The following LOC128092252 variants were observed in gnomAD, a reference collection of about 807,000 sequenced individuals.
the LOC128092252 span, among the ~76,000 whole-genome samples, chr15:50,666,528 G>A: frequency 1.3e-5 from 2 of 152,034 alleles, no homozygotes; most frequent in Non-Finnish European, 1.5e-5. Context: ...AAGAGGCCGG[G>A]TGCAGTGGCT....
chr15:50,658,090 C>T, the LOC128092252 span, among the ~76,000 whole-genome samples: 9 of 151,434 alleles, frequency 5.9e-5, no homozygotes, highest in East Asian at 1.6e-3. Context: ...CTGCAAGCTC[C>T]GCCTCCCGGG....
the LOC128092252 span, among the ~76,000 whole-genome samples, chr15:50,684,416 A>G: frequency 1.3e-5 from 2 of 152,142 alleles, no homozygotes; most frequent in African/African-American, 2.4e-5. Flanking sequence ...TGAGACAGCC[A>G]GATCACTGGA....
At chr15:50,648,897 A>C in the LOC128092252 span, 1 of 1,591,898 alleles carries the variant, frequency 6.3e-7, no homozygotes, top group Non-Finnish European at 8.6e-7. Context: ...TAAAAGAAAA[A>C]GGTGAGATTA....
chr15:50,659,912 C>T, the LOC128092252 span, among the ~76,000 whole-genome samples: 1 of 152,164 alleles, frequency 6.6e-6, no homozygotes, highest in Admixed American at 6.6e-5. Flanking sequence ...AGGTGATCCA[C>T]CTACAGCCTC....
At chr15:50,663,877 C>T in the LOC128092252 span, among the ~76,000 whole-genome samples, 13 of 152,182 alleles carry the variant, frequency 8.5e-5, no homozygotes, top group African/African-American at 2.6e-4. Flanking sequence ...GCAGGAGGAT[C>T]GCCTAAGCCG....
At chr15:50,679,538 A>ATATATATAT in the LOC128092252 span, among the ~76,000 whole-genome samples, 21 of 43,896 alleles carry the variant, frequency 4.8e-4, no homozygotes, top group Admixed American at 2.0e-3. Flanking sequence ...ATATATATAT[A>ATATATATAT]TTTTTTTTTT....
chr15:50,677,676 T>C, the LOC128092252 span, among the ~76,000 whole-genome samples: 1 of 145,294 alleles, frequency 6.9e-6, no homozygotes, highest in African/African-American at 2.6e-5. Flanking sequence ...GGGACAGAGC[T>C]TGCAGTGAGC....
At chr15:50,663,606 T>G in the LOC128092252 span, among the ~76,000 whole-genome samples, 2 of 152,160 alleles carry the variant, frequency 1.3e-5, no homozygotes, top group Non-Finnish European at 2.9e-5. Flanking sequence ...GAAGCCTAGT[T>G]TGAGATTCCC....
the LOC128092252 span, among the ~76,000 whole-genome samples, chr15:50,680,124 C>G: frequency 6.6e-6 from 1 of 151,976 alleles, no homozygotes; most frequent in African/African-American, 2.4e-5. Context: ...ATCCTAGCTA[C>G]TCGGGAGGCT....
chr15:50,671,667 A>G, the LOC128092252 span, among the ~76,000 whole-genome samples: 141 of 152,112 alleles, frequency 9.3e-4, no homozygotes, highest in Middle Eastern at 3.4e-3. Flanking sequence ...TTAATTAGCC[A>G]AGCATGTTGG....
chr15:50,671,775 A>G, the LOC128092252 span, among the ~76,000 whole-genome samples: 2 of 151,264 alleles, frequency 1.3e-5, no homozygotes, highest in African/African-American at 4.9e-5. Flanking sequence ...ACGCCACTAC[A>G]CTCCAGCCTG....
the LOC128092252 span, among the ~76,000 whole-genome samples, chr15:50,660,890 CT>C: frequency 7.2e-5 from 11 of 151,814 alleles, no homozygotes; most frequent in African/African-American, 2.7e-4. Context: ...TTTTAAATGG[CT>C]AAAAATCGAA....
At chr15:50,664,085 G>C in the LOC128092252 span, among the ~76,000 whole-genome samples, 1 of 152,098 alleles carries the variant, frequency 6.6e-6, no homozygotes, top group South Asian at 2.1e-4. Context: ...GGATCACAAA[G>C]TCAGAAGACC....
At chr15:50,649,429 C>G in the LOC128092252 span, among the ~76,000 whole-genome samples, 1 of 147,290 alleles carries the variant, frequency 6.8e-6, no homozygotes, top group Admixed American at 7.0e-5. Context: ...ACAAGCAAGA[C>G]CCCAACTCAA....
the LOC128092252 span, among the ~76,000 whole-genome samples, chr15:50,683,030 G>A: frequency 2.6e-5 from 4 of 151,620 alleles, no homozygotes; most frequent in African/African-American, 7.3e-5. Context: ...CCACAGGTGC[G>A]CATCACCATG....
the LOC128092252 span, among the ~76,000 whole-genome samples, chr15:50,672,564 C>T: frequency 6.6e-6 from 1 of 151,860 alleles, no homozygotes; most frequent in East Asian, 1.9e-4. Context: ...TATATTTGTG[C>T]CTTAGGTTTG....
At chr15:50,673,645 T>C in the LOC128092252 span, among the ~76,000 whole-genome samples, 1 of 152,162 alleles carries the variant, frequency 6.6e-6, no homozygotes, top group Non-Finnish European at 1.5e-5. Flanking sequence ...TATATATATA[T>C]ATATACCACA....
chr15:50,683,506 G>A, the LOC128092252 span, among the ~76,000 whole-genome samples: 2 of 151,722 alleles, frequency 1.3e-5, no homozygotes, highest in East Asian at 1.9e-4. Flanking sequence ...AGGCCGAGGC[G>A]GGTGGATCAC....
At chr15:50,653,926 A>G in the LOC128092252 span, among the ~76,000 whole-genome samples, 1 of 152,168 alleles carries the variant, frequency 6.6e-6, no homozygotes, top group African/African-American at 2.4e-5. Flanking sequence ...GTGAAAAGAC[A>G]TCACTGAACC....
Sources: allele counts gnomAD v4.1 joint callset (sites outside exome capture counted in the v4.1 genomes callset), GRCh38; gene constraint gnomAD v4.1.1; transcripts MANE v1.5.